THSD7A: variants seen among roughly 807,000 people sequenced by gnomAD.
THSD7A encodes the protein thrombospondin type 1 domain containing 7A.
A neutral mutation model predicts 231.3 loss-of-function variants in THSD7A; 96 were observed. The observed-to-expected ratio is 0.41, with a 90% CI of 0.35 to 0.49. The LOEUF is 0.49. Among genes scored for constraint, THSD7A ranks in the 20% least tolerant of loss-of-function variants. The probability of loss-of-function intolerance (pLI) is 0.05; values close to 1 mark genes in which losing one functional copy is unlikely to be tolerated. For synonymous variants in THSD7A, 940 were observed against 743.3 expected (o/e 1.26, Z -4.30); for missense variants, 2,290 against 2,070.2 (o/e 1.11, Z -2.06).
chr7:11,682,629 A>T (rs1783911844), intron 1 of THSD7A, among the ~76,000 whole-genome samples: 1 of 152,126 alleles, frequency 6.6e-6, no homozygotes, highest in Non-Finnish European at 1.5e-5. Context: ...AAACCTAAGA[A>T]TAGACATAGA....
intron 1 of THSD7A, among the ~76,000 whole-genome samples, chr7:11,674,092 G>C (rs1463590929): frequency 6.6e-6 from 1 of 151,932 alleles, no homozygotes; most frequent in African/African-American, 2.4e-5. Context: ...AGGTTCCCTG[G>C]TGTTCTAACC....
At chr7:11,533,962 G>C (rs1266743767) in intron 6 of THSD7A, among the ~76,000 whole-genome samples, 1 of 152,130 alleles carries the variant, frequency 6.6e-6, no homozygotes, top group East Asian at 1.9e-4. Flanking sequence ...ATGGGAGAGT[G>C]CTTTTCCACT....
intron 13 of THSD7A, among the ~76,000 whole-genome samples, chr7:11,431,242 T>G (rs1186821552): frequency 6.6e-6 from 1 of 152,244 alleles, no homozygotes; most frequent in African/African-American, 2.4e-5. Context: ...TGGTTGTTAG[T>G]GCTTTGGTAT....
chr7:11,450,204 C>T lies in THSD7A; in HGVS notation c.2606-2780G>A, dbSNP rs553002708. The stretch of plus-strand genomic sequence containing the variant: ...AAAACAAAATAAAATAACACTACTA[C>T]CAATACAATTCCAGAAACAATTTAT... On this transcript the variant is annotated intron_variant, in intron 11 of 27. Transcript: ENST00000423059. Among the ~76,000 whole-genome samples the T allele has an allele frequency of 4.1e-3, 619 of 152,122 alleles. 4 individuals are homozygous for T. Among genetic ancestry groups the T allele is most frequent in the African/African-American group, 0.014 (594 of 41,540 alleles).
intron 2 of THSD7A, among the ~76,000 whole-genome samples, chr7:11,616,051 A>G (rs1461528453): frequency 1.3e-5 from 2 of 152,194 alleles, no homozygotes; most frequent in African/African-American, 2.4e-5. Flanking sequence ...TACTAATGTC[A>G]TAGTGCTATT....
Position 11,447,437 on chromosome 7 carries a change from C to T in THSD7A, c.2606-13G>A. On this transcript the variant is annotated splice_polypyrimidine_tract_variant and intron_variant, in intron 11 of 27. Transcript: ENST00000423059. ...CGACAAGTAATGGCTAAAAGAAAAG[C>T]ATAAAGCTGTTATAACAAATTCAAA... is the stretch of plus-strand genomic sequence containing the variant. The T allele has an allele frequency of 2.0e-6, 3 of 1,520,926 alleles. No homozygotes were observed. Among genetic ancestry groups the T allele is most frequent in the Non-Finnish European group, 2.6e-6 (3 of 1,137,060 alleles). The allele number at this position is 1,520,926 out of a possible 1,614,324, so 94.2% of individuals were successfully genotyped here.
At chr7:11,458,759 G>A (rs897823241) in intron 11 of THSD7A, among the ~76,000 whole-genome samples, 1 of 152,114 alleles carries the variant, frequency 6.6e-6, no homozygotes, top group African/African-American at 2.4e-5. Context: ...GATGAAGAAC[G>A]AACAGTTTTC....
chr7:11,646,029 A>C (rs1415196501), intron 1 of THSD7A, among the ~76,000 whole-genome samples: 1 of 151,990 alleles, frequency 6.6e-6, no homozygotes, highest in Non-Finnish European at 1.5e-5. Context: ...AAGGGGATGC[A>C]AAAACAATTT....
intron 1 of THSD7A, among the ~76,000 whole-genome samples, chr7:11,713,024 T>A (rs747074643): frequency 1.3e-5 from 2 of 151,192 alleles, no homozygotes; most frequent in African/African-American, 2.4e-5. Context: ...GAATTTTGCA[T>A]CTTCATGTGA....
intron 1 of THSD7A, among the ~76,000 whole-genome samples, chr7:11,796,023 T>C (rs1454943948): frequency 7.2e-6 from 1 of 138,288 alleles, no homozygotes; most frequent in Non-Finnish European, 1.5e-5. Flanking sequence ...TTCTTTGAAA[T>C]TAAATTAGCC....
chr7:11,652,727 A>T (rs1321166647), intron 1 of THSD7A, among the ~76,000 whole-genome samples: 1 of 151,986 alleles, frequency 6.6e-6, no homozygotes, highest in Non-Finnish European at 1.5e-5. Context: ...TCCAAAATGC[A>T]TCATCTGAGG....
intron 1 of THSD7A, among the ~76,000 whole-genome samples, chr7:11,641,400 A>T (rs933147355): frequency 3.3e-5 from 5 of 152,168 alleles, no homozygotes; most frequent in African/African-American, 1.2e-4. Flanking sequence ...TGTCAGTGCC[A>T]GCGGGAATAA....
chr7:11,483,362 C>T (rs929865752), intron 6 of THSD7A, among the ~76,000 whole-genome samples: 2 of 152,134 alleles, frequency 1.3e-5, no homozygotes, highest in Admixed American at 1.3e-4. Flanking sequence ...TGTTAATAGC[C>T]ATTACATTGC....
chr7:11,680,789 G>A (rs1366026606), intron 1 of THSD7A, among the ~76,000 whole-genome samples: 3 of 152,144 alleles, frequency 2.0e-5, no homozygotes, highest in Non-Finnish European at 2.9e-5. Context: ...GGAAGACAGT[G>A]TGGCGATTCC....
intron 13 of THSD7A, among the ~76,000 whole-genome samples, chr7:11,439,730 A>C (rs1343202625): frequency 3.9e-5 from 6 of 152,076 alleles, no homozygotes; most frequent in African/African-American, 1.4e-4. Context: ...GAGCAAGGTG[A>C]GGAAGCTACA....
chr7:11,570,442 T>C (rs1790575002), intron 4 of THSD7A, among the ~76,000 whole-genome samples: 1 of 152,148 alleles, frequency 6.6e-6, no homozygotes, highest in South Asian at 2.1e-4. Context: ...TGGGTGACTT[T>C]AGTTAATAAT....
chr7:11,505,967 C>G (rs1787527632), intron 6 of THSD7A, among the ~76,000 whole-genome samples: 1 of 152,078 alleles, frequency 6.6e-6, no homozygotes. Flanking sequence ...TTTGAAAGCA[C>G]TTCTGAAGCA....
chr7:11,820,688 C>A, intron 1 of THSD7A: 1 of 876,240 alleles, frequency 1.1e-6, no homozygotes, highest in South Asian at 1.3e-5. Context: ...AGTCCCCAGT[C>A]TCGATGTCTC....
intron 16 of THSD7A, 22 bp downstream of exon 16, chr7:11,424,674 G>A (rs1473965664): frequency 1.9e-6 from 3 of 1,613,458 alleles, no homozygotes; most frequent in Admixed American, 1.7e-5. Context: ...TTGCTTTTCT[G>A]TATAATTAGG....
Sources: gnomAD v4.1 joint callset for allele counts (sites outside exome capture counted in the v4.1 genomes callset) on GRCh38, gnomAD v4.1.1 for gene constraint, MANE v1.5 for transcripts, NCBI Gene and HGNC (gene_info 2026-07-23, HGNC 2026-07-21) for gene names.